CAST: variants seen among roughly 807,000 people sequenced by gnomAD.
CAST encodes calpastatin.
CAST carries 76 observed loss-of-function variants against 119.6 expected under a neutral mutation model. That is an observed-to-expected ratio of 0.64 (90% CI 0.53 to 0.77). The LOEUF is 0.77. Ranked by LOEUF, CAST falls within the 30% of genes least tolerant of loss-of-function variation. The pLI, the probability that CAST is intolerant of heterozygous loss-of-function variation, is 0.00. For missense variants in CAST, 953 were observed against 946.5 expected (o/e 1.01, Z -0.09); for synonymous variants, 319 against 331.6 (o/e 0.96, Z 0.41).
At chr5:96,620,837 AAAAGCGGAAACGGTATTTAT>A (rs936871984) in intron 1 of CAST, among the ~76,000 whole-genome samples, 2 of 152,262 alleles carry the variant, frequency 1.3e-5, no homozygotes, top group African/African-American at 4.8e-5. Context: ...TCTTCAAAGA[AAAAGCGGAAACGGTATTTAT>A]AAAGCACATT....
At chr5:96,105,407 C>T in the CAST span, among the ~76,000 whole-genome samples, 2 of 152,108 alleles carry the variant, frequency 1.3e-5, no homozygotes, top group Non-Finnish European at 2.9e-5. Flanking sequence ...TGAAATGTGT[C>T]CCATCAATAC....
chr5:96,104,615 C>T, the CAST span, among the ~76,000 whole-genome samples: 2 of 151,762 alleles, frequency 1.3e-5, no homozygotes, highest in Admixed American at 1.3e-4. Context: ...GGTACCAGTA[C>T]CATGCTGTTT....
At chr5:96,312,393 C>T in the CAST span, among the ~76,000 whole-genome samples, 1 of 151,966 alleles carries the variant, frequency 6.6e-6, no homozygotes, top group Non-Finnish European at 1.5e-5. Flanking sequence ...TCTTGAGACC[C>T]CCTGATTTTT....
chr5:96,665,828 C>T (rs991026276), intron 1 of CAST, among the ~76,000 whole-genome samples: 1 of 151,976 alleles, frequency 6.6e-6, no homozygotes, highest in Non-Finnish European at 1.5e-5. Context: ...ATATAATACA[C>T]ACATGCATGT....
Position 96,750,629 on chromosome 5 carries a change from T to G in CAST, c.1471T>G (p.Cys491Gly). The G allele has an allele frequency of 1.2e-6, 2 of 1,613,550 alleles. No individual in the cohort carries two copies. ...AAPAPVSEAV[C>G]RTSMCSIQSA... ...TCCAGCTCCTGTGTCGGAGGCTGTGTGTCGGACCTCCATGTGTAGTATACA... is the reference window on the plus strand; with the variant it reads ...TCCAGCTCCTGTGTCGGAGGCTGTGGGTCGGACCTCCATGTGTAGTATACA... The change falls in exon 20 of 32, where the codon TGT (cysteine) becomes GGT (glycine). Residue 491 changes from cysteine to glycine, a missense_variant. Transcript: ENST00000675179.
intron 1 of CAST, among the ~76,000 whole-genome samples, chr5:96,611,123 A>G (rs920583407): frequency 3.9e-5 from 6 of 152,178 alleles, no homozygotes; most frequent in Admixed American, 2.6e-4. Context: ...TACCAACATT[A>G]TTTTTTCATG....
chr5:96,152,446 G>T, the CAST span, among the ~76,000 whole-genome samples: 4 of 152,122 alleles, frequency 2.6e-5, no homozygotes, highest in African/African-American at 4.8e-5. Flanking sequence ...AGCATCTCTG[G>T]GCAGAGGGCA....
intron 4 of CAST, among the ~76,000 whole-genome samples, chr5:96,723,679 C>G (rs772571290): frequency 1.3e-5 from 2 of 152,194 alleles, no homozygotes; most frequent in Non-Finnish European, 2.9e-5. Context: ...CTAAGTTACT[C>G]TAGCTCAAGC....
At chr5:96,223,559 A>C in the CAST span, among the ~76,000 whole-genome samples, 7 of 152,184 alleles carry the variant, frequency 4.6e-5, no homozygotes, top group Admixed American at 3.9e-4. Context: ...TTTCCCTAGA[A>C]TCTTTGGAGG....
chr5:96,416,331 C>T, the CAST span, among the ~76,000 whole-genome samples: 3 of 152,190 alleles, frequency 2.0e-5, no homozygotes, highest in East Asian at 5.8e-4. Flanking sequence ...CAAATTCTGG[C>T]TTCTGCCATT....
the CAST span, among the ~76,000 whole-genome samples, chr5:96,448,014 TA>T: frequency 6.5e-3 from 911 of 140,026 alleles, 4 homozygotes; most frequent in East Asian, 0.03. Context: ...TCTCATATGT[TA>T]AAAAAAAAAA....
At chr5:96,648,381 T>C (rs929440178) in intron 1 of CAST, among the ~76,000 whole-genome samples, 2 of 152,306 alleles carry the variant, frequency 1.3e-5, no homozygotes, top group Non-Finnish European at 1.5e-5. Flanking sequence ...AAACTATTTA[T>C]TTCTCTCTGT....
At position 96,601,021 on chromosome 5, in the gene CAST, C is replaced by G. The variant is rs73774319; in HGVS notation, c.60+71141C>G. ...TTTACGAACCTACCTCCCATCTCCC[C>G]CTCCGCTATCTATCTTTCTCTGATG... On this transcript the variant is annotated intron_variant, in intron 1 of 11. Transcript: ENST00000505143. 8.0e-3 allele frequency among the ~76,000 whole-genome samples: 1,214 copies of G among 152,202 alleles called. 19 individuals are homozygous for G. The highest frequency in any genetic ancestry group is 0.028 in the African/African-American group (1,172 of 41,542).
At chr5:96,419,857 G>T in the CAST span, among the ~76,000 whole-genome samples, 9 of 152,174 alleles carry the variant, frequency 5.9e-5, no homozygotes, top group East Asian at 1.4e-3. Flanking sequence ...TTTGAGGAAG[G>T]TCTGAGTGTT....
chr5:96,649,299 C>T (rs1240010739), intron 1 of CAST, among the ~76,000 whole-genome samples: 2 of 152,172 alleles, frequency 1.3e-5, no homozygotes, highest in Non-Finnish European at 2.9e-5. Context: ...TGTCATTATA[C>T]AGTCTCAACA....
At chr5:96,189,352 A>T in the CAST span, among the ~76,000 whole-genome samples, 45 of 152,238 alleles carry the variant, frequency 3.0e-4, no homozygotes, top group African/African-American at 1.1e-3. Flanking sequence ...TTTGATTGCT[A>T]TTTGGCTGGG....
chr5:96,300,326 A>G, the CAST span, among the ~76,000 whole-genome samples: 1 of 152,118 alleles, frequency 6.6e-6, no homozygotes, highest in Non-Finnish European at 1.5e-5. Flanking sequence ...ATGAATATCC[A>G]GTTTTCCCAA....
At chr5:96,642,511 G>A (rs1449873758) in intron 1 of CAST, among the ~76,000 whole-genome samples, 5 of 150,676 alleles carry the variant, frequency 3.3e-5, no homozygotes, top group Non-Finnish European at 5.9e-5. Flanking sequence ...TCTCGTGGTT[G>A]ATAATGATAG....
chr5:96,738,699 G>A lies in CAST; in HGVS notation c.798+752G>A, dbSNP rs189446943. Among the ~76,000 whole-genome samples the A allele has an allele frequency of 2.0e-5, 3 of 152,038 alleles. No homozygotes were observed. In the East Asian group the frequency reaches 5.8e-4, roughly 29 times the overall value. On this transcript the variant is annotated intron_variant, in intron 11 of 31. Transcript: ENST00000675179. ...TGTAATCCCAGCACTTTGGGAGGCC[G>A]AGGCAGGCGGATCATCTGAGGTCAG...
Sources: allele counts gnomAD v4.1 joint callset (sites outside exome capture counted in the v4.1 genomes callset), GRCh38; gene constraint gnomAD v4.1.1; transcripts MANE v1.5; gene names NCBI Gene and HGNC (gene_info 2026-07-23, HGNC 2026-07-21).